The following CHN1 variants were observed in gnomAD, a reference collection of about 807,000 sequenced individuals.
The protein encoded by CHN1 is N-chimaerin.
Under a neutral mutation model 59.5 loss-of-function variants are expected in CHN1, and 37 were observed. The observed-to-expected ratio is 0.62, with a 90% CI of 0.48 to 0.82. The LOEUF (loss-of-function observed/expected upper bound fraction) is 0.82. CHN1 is among the 40% of genes least tolerant of loss of function. The pLI is 0.00. For synonymous variants in CHN1, 206 were observed against 200.4 expected (o/e 1.03, Z -0.24); for missense variants, 469 against 571.0 (o/e 0.82, Z 1.82).
At chr2:174,874,263 TAGAA>T (rs1687492060) in intron 6 of CHN1, among the ~76,000 whole-genome samples, 2 of 152,124 alleles carry the variant, frequency 1.3e-5, no homozygotes, top group African/African-American at 4.8e-5. Flanking sequence ...CCAAGATAAA[TAGAA>T]AGAAGTAACT....
intron 5 of CHN1, among the ~76,000 whole-genome samples, chr2:174,904,887 C>A (rs753440372): frequency 2.6e-5 from 4 of 152,120 alleles, no homozygotes; most frequent in Non-Finnish European, 5.9e-5. Context: ...ACCTGCCCAG[C>A]CCTTTCAGAG....
Position 174,800,159 on chromosome 2 carries a change from A to C in CHN1, c.1337T>G (p.Leu446Arg). 6.4e-7 allele frequency: 1 copy of C among 1,562,104 alleles called. No homozygotes were observed. Among genetic ancestry groups the C allele is most frequent in the Non-Finnish European group, 8.6e-7 (1 of 1,157,804 alleles). Reference sequence around the variant, plus strand: ...GTTTTTGATAAGCAGCTCCACCACCAGTCTCTGATACCGTATATCATTCAA... The same window carrying C: ...GTTTTTGATAAGCAGCTCCACCACCCGTCTCTGATACCGTATATCATTCAA... ...AALNDIRYQR[L>R]VVELLIKNED... is the part of the protein sequence containing the mutation. Residue 446 changes from leucine (L) to arginine (R), a missense_variant, in exon 13 of 13, where the codon CTG (leucine) becomes CGG (arginine). By Grantham distance (102) the Leu-to-Arg change is moderately radical. Around this residue, in one of 5 missense-constraint regions of CHN1, gnomAD observed 225 missense variants for 289.9 expected, o/e 0.78. Coordinates refer to ENST00000409900, the MANE Select transcript of CHN1 (RefSeq NM_001822.7).
At chr2:174,981,576 G>C (rs1447715117) in intron 1 of CHN1, among the ~76,000 whole-genome samples, 1 of 152,278 alleles carries the variant, frequency 6.6e-6, no homozygotes, top group African/African-American at 2.4e-5. Context: ...ACGAATGCCT[G>C]AACATGTATC....
chr2:174,825,637 AAAT>A (rs1453334580), intron 7 of CHN1, among the ~76,000 whole-genome samples: 4 of 152,206 alleles, frequency 2.6e-5, no homozygotes, highest in Admixed American at 2.0e-4. Context: ...GAACATTAAA[AAAT>A]AATAAAAATT....
At chr2:174,840,830 C>T (rs1686275182) in intron 7 of CHN1, among the ~76,000 whole-genome samples, 1 of 151,946 alleles carries the variant, frequency 6.6e-6, no homozygotes, top group Non-Finnish European at 1.5e-5. Flanking sequence ...GGACATGGAA[C>T]AAGAGGCTAG....
intron 1 of CHN1, among the ~76,000 whole-genome samples, chr2:174,952,909 C>T (rs761215940): frequency 2.6e-5 from 4 of 152,130 alleles, no homozygotes; most frequent in Non-Finnish European, 4.4e-5. Context: ...AAACACATGA[C>T]GGACGTGGAG....
chr2:174,948,335 A>G (rs1689906967), intron 2 of CHN1, among the ~76,000 whole-genome samples: 1 of 152,216 alleles, frequency 6.6e-6, no homozygotes, highest in South Asian at 2.1e-4. Flanking sequence ...CTCTCTACAG[A>G]CAAGGTCTCC....
At chr2:174,927,093 C>T (rs142989119) in intron 3 of CHN1, among the ~76,000 whole-genome samples, 1 of 152,162 alleles carries the variant, frequency 6.6e-6, no homozygotes, top group African/African-American at 2.4e-5. Flanking sequence ...CCTCCTTCCC[C>T]AATATCTGCC....
At chr2:174,995,090 T>C (rs951524905) in intron 1 of CHN1, among the ~76,000 whole-genome samples, 4 of 152,214 alleles carry the variant, frequency 2.6e-5, no homozygotes, top group South Asian at 2.1e-4. Context: ...AGTGACAGTA[T>C]TGTTATATGT....
chr2:174,999,522 C>T (rs1691816276), intron 1 of CHN1, among the ~76,000 whole-genome samples: 2 of 152,176 alleles, frequency 1.3e-5, no homozygotes, highest in South Asian at 4.1e-4. Flanking sequence ...AAACCTATAA[C>T]TTATTATACT....
chr2:174,955,106 G>T (rs185113098), intron 1 of CHN1, among the ~76,000 whole-genome samples: 6,131 of 147,888 alleles, frequency 0.041, 445 homozygotes, highest in African/African-American at 0.14. Context: ...TATATATATA[G>T]ATCTATAGAT....
At chr2:174,965,522 T>C (rs1483129168) in intron 1 of CHN1, among the ~76,000 whole-genome samples, 1 of 152,192 alleles carries the variant, frequency 6.6e-6, no homozygotes, top group Non-Finnish European at 1.5e-5. Context: ...AAAAGGACTA[T>C]ATTGCATTTT....
At chr2:174,842,733 T>C (rs1686356316) in intron 7 of CHN1, among the ~76,000 whole-genome samples, 3 of 152,182 alleles carry the variant, frequency 2.0e-5, no homozygotes, top group African/African-American at 2.4e-5. Context: ...TTGGCTAGGA[T>C]TGCTGGGTTC....
intron 6 of CHN1, among the ~76,000 whole-genome samples, chr2:174,859,742 T>C (rs866051555): frequency 1.3e-5 from 2 of 152,146 alleles, no homozygotes; most frequent in Non-Finnish European, 1.5e-5. Context: ...CCCTATCCTC[T>C]CTCTACTCTA....
At chr2:174,991,176 C>T (rs1390849891) in intron 1 of CHN1, among the ~76,000 whole-genome samples, 1 of 152,154 alleles carries the variant, frequency 6.6e-6, no homozygotes, top group East Asian at 1.9e-4. Context: ...AATATGTAAA[C>T]GTCCTATGAA....
intron 3 of CHN1, among the ~76,000 whole-genome samples, chr2:174,929,125 A>G (rs866609892): frequency 5.3e-5 from 8 of 152,246 alleles, no homozygotes; most frequent in South Asian, 2.1e-4. Context: ...TACCAGTACT[A>G]GAAATGCAGC....
intron 7 of CHN1, among the ~76,000 whole-genome samples, chr2:174,844,502 C>G (rs1249940280): frequency 6.6e-6 from 1 of 152,112 alleles, no homozygotes; most frequent in Non-Finnish European, 1.5e-5. Context: ...GTGAGTGGGC[C>G]CGTGGTTATA....
chr2:174,956,322 T>G (rs1261427046), intron 1 of CHN1, among the ~76,000 whole-genome samples: 1 of 151,776 alleles, frequency 6.6e-6, no homozygotes, highest in African/African-American at 2.4e-5. Context: ...ACAACAAACC[T>G]GGCCAAAAAT....
chr2:174,801,914 AG>A lies in CHN1; in HGVS notation c.1103-103del. On this transcript the variant is annotated intron_variant, in intron 11 of 12. Transcript: ENST00000409900. ...TTGTGATAATGCTCTGAAACTGGTA[AG>A]AAATGCTTTCTCGTAATTCCTTGTC... 13 of 902,352 alleles carry A rather than the reference AG, an allele frequency of 1.4e-5. 1 individual carries two copies. The South Asian group carries it at 1.7e-4, about 12-fold the overall frequency. The allele number at this position is 902,352 out of a possible 1,614,324, so 55.9% of individuals were successfully genotyped here.
Sources: gnomAD v4.1 joint callset for allele counts (sites outside exome capture counted in the v4.1 genomes callset) on GRCh38, gnomAD v4.1.1 for gene constraint, gnomAD v4.1.1 regional missense constraint, MANE v1.5 for transcripts, NCBI Gene and HGNC (gene_info 2026-07-23, HGNC 2026-07-21) for gene names.